The following DDX21 variants were observed in gnomAD, a reference collection of about 807,000 sequenced individuals.
DDX21 encodes the protein DExD-box helicase 21, also known as nucleolar RNA helicase 2.
Under a neutral mutation model 90.0 loss-of-function variants are expected in DDX21, and 18 were observed. The ratio of observed to expected loss-of-function variants is 0.20; its 90% CI spans 0.14 to 0.30. The LOEUF is 0.30. Ranked by LOEUF, DDX21 falls within the 10% of genes least tolerant of loss-of-function variation. The pLI is 1.00. For synonymous variants in DDX21, 294 were observed against 318.0 expected (o/e 0.92, Z 0.80); for missense variants, 673 against 944.5 (o/e 0.71, Z 3.77).
At chr10:68,969,311 C>T (rs918802630) in intron 7 of DDX21, among the ~76,000 whole-genome samples, 190 bp downstream of exon 7, 9 of 152,200 alleles carry the variant, frequency 5.9e-5, no homozygotes, top group African/African-American at 1.9e-4. Flanking sequence ...GATGGAGTCT[C>T]GCTCTGTCAC....
At chr10:68,970,486 T>C (rs1002076266) in intron 8 of DDX21, 136 bp downstream of exon 8, 10 of 102,952 alleles carry the variant, frequency 9.7e-5, no homozygotes, top group African/African-American at 4.2e-4. Context: ...AGGAAGCTAC[T>C]TTTTTTTTTT....
rs1843235139 is a variant in DDX21, at chr10:68,984,163, A to G, written c.*1351A>G. 1 of 152,224 alleles carries G rather than the reference A, an allele frequency of 6.6e-6. No individual in the cohort carries two copies. Among genetic ancestry groups the G allele is most frequent in the Admixed American group, 6.5e-5 (1 of 15,288 alleles). 9.4% of individuals were successfully genotyped at this position (152,224 alleles called of 1,614,324 possible). A position where few individuals can be genotyped will look rare whatever the true frequency, so the allele number is the denominator to read the frequency against. On this transcript the variant is annotated 3_prime_UTR_variant, in exon 15 of 15. Coordinates refer to ENST00000354185, the MANE Select transcript of DDX21 (RefSeq NM_004728.4). The stretch of plus-strand genomic sequence containing the variant: ...CTTAATTTCCAGAGATTATTTCTGT[A>G]CTGAGAATCCTGGAACTACTATGCT...
In DDX21 at chr10:68,974,010, C is replaced by T. The variant is rs531082743; in HGVS notation, c.1668+346C>T. ...GGGGAGAAGAGACTAATTTTTCCTC[C>T]AGGAGAATTGGAATAGTGTATGTAG... On this transcript the variant is annotated intron_variant, in intron 10 of 14. Coordinates refer to ENST00000354185, the MANE Select transcript of DDX21 (RefSeq NM_004728.4). 9.9e-5 allele frequency among the ~76,000 whole-genome samples: 15 copies of T among 152,232 alleles called. No homozygotes were observed. The South Asian group carries it at 3.1e-3, about 32-fold the overall frequency.
rs1175910882 is a variant in DDX21, at chr10:68,984,099, A to G, written c.*1287A>G. On this transcript the variant is annotated 3_prime_UTR_variant, in exon 15 of 15. Coordinates refer to ENST00000354185, the MANE Select transcript of DDX21 (RefSeq NM_004728.4). ...ATATTATTTCTCTGGGAAACATTCTACATAGCACAGGAGCTTAAGAGTGGC... is the reference window on the plus strand; with the variant it reads ...ATATTATTTCTCTGGGAAACATTCTGCATAGCACAGGAGCTTAAGAGTGGC... The G allele has an allele frequency of 6.6e-6, 1 of 152,254 alleles. No individual in the cohort carries two copies. The highest frequency in any genetic ancestry group is 1.5e-5 in the Non-Finnish European group (1 of 68,048). The allele number at this position is 152,254 out of a possible 1,614,324, so 9.4% of individuals were successfully genotyped here. A position where few individuals can be genotyped will look rare whatever the true frequency, so the allele number is the denominator to read the frequency against.
chr10:68,971,864 T>C, intron 8 of DDX21, 27 bp from the exon 9 acceptor site: 1 of 1,605,746 alleles, frequency 6.2e-7, no homozygotes, highest in East Asian at 2.2e-5. Flanking sequence ...GGAACTGGTG[T>C]TCTTACATCC....
At position 68,968,963 on chromosome 10, in the gene DDX21, C is replaced by T; in HGVS notation, c.1091-13C>T. On this transcript the variant is annotated splice_polypyrimidine_tract_variant and intron_variant, in intron 6 of 14. Coordinates refer to ENST00000354185, the MANE Select transcript of DDX21 (RefSeq NM_004728.4). ...ATTATTCATACTGACTTTTTTTTTC[C>T]CCCTCCTCAAAGATTCTGAAGACAA... 6.3e-7 allele frequency: 1 copy of T among 1,599,218 alleles called. No homozygotes were observed. The highest frequency in any genetic ancestry group is 1.8e-5 in the Admixed American group (1 of 55,708).
chr10:68,965,540 T>A (rs1321711633), intron 5 of DDX21, 46 bp downstream of exon 5: 4 of 1,355,118 alleles, frequency 3.0e-6, no homozygotes, highest in Non-Finnish European at 4.2e-6. Context: ...CACCCATTGT[T>A]GACTGCTCTG....
chr10:68,971,511 G>T (rs1843028054), intron 8 of DDX21, among the ~76,000 whole-genome samples: 1 of 152,068 alleles, frequency 6.6e-6, no homozygotes, highest in Non-Finnish European at 1.5e-5. Flanking sequence ...CTCCCAAAGT[G>T]CATGAGCTAC....
intron 9 of DDX21, among the ~76,000 whole-genome samples, chr10:68,972,966 C>T (rs1020112665): frequency 6.6e-6 from 1 of 152,130 alleles, no homozygotes; most frequent in African/African-American, 2.4e-5. Context: ...AAACGAATCA[C>T]TTAAGGTCAG....
chr10:68,979,443 G>C (rs1843154555), intron 13 of DDX21, among the ~76,000 whole-genome samples: 1 of 152,092 alleles, frequency 6.6e-6, no homozygotes, highest in African/African-American at 2.4e-5. Context: ...AAATGTTAGG[G>C]ACCCCCAAAA....
chr10:68,977,730 G>A, intron 12 of DDX21, 42 bp downstream of exon 12: 1 of 1,563,576 alleles, frequency 6.4e-7, no homozygotes, highest in South Asian at 1.2e-5. Flanking sequence ...ATAATTTGGG[G>A]TATGAGCAGG....
chr10:68,961,403 T>A (rs1401283176), intron 2 of DDX21, among the ~76,000 whole-genome samples: 1 of 152,234 alleles, frequency 6.6e-6, no homozygotes, highest in Non-Finnish European at 1.5e-5. Flanking sequence ...TTAGTAAATA[T>A]TAATACCTGT....
At chr10:68,959,486 C>G (rs190091235) in intron 1 of DDX21, among the ~76,000 whole-genome samples, 89 of 152,250 alleles carry the variant, frequency 5.8e-4, no homozygotes, top group Admixed American at 1.4e-3. Context: ...GAGCGAGACT[C>G]TGTCTCAAAA....
chr10:68,959,795 A>G lies in DDX21; in HGVS notation c.88-11A>G, dbSNP rs187776549. On this transcript the variant is annotated splice_polypyrimidine_tract_variant and intron_variant, in intron 1 of 14. Coordinates refer to ENST00000354185, the MANE Select transcript of DDX21 (RefSeq NM_004728.4). Reference sequence around the variant, plus strand: ...TTCAGTGTTTGTATTTTCCTTATGAATTTTTTTTAGAAAGAGAAAAAAGAG... The same window carrying G: ...TTCAGTGTTTGTATTTTCCTTATGAGTTTTTTTTAGAAAGAGAAAAAAGAG... The G allele has an allele frequency of 6.4e-5, 97 of 1,518,736 alleles. No individual in the cohort carries two copies. In the Admixed American group the frequency reaches 2.3e-3, roughly 36 times the overall value. 94.1% of individuals were successfully genotyped at this position (1,518,736 alleles called of 1,614,324 possible).
At chr10:68,963,698 A>G (rs1317826848) in intron 4 of DDX21, among the ~76,000 whole-genome samples, 1 of 152,070 alleles carries the variant, frequency 6.6e-6, no homozygotes, top group Non-Finnish European at 1.5e-5. Flanking sequence ...AGTTTTGATC[A>G]TCTATATAAT....
intron 1 of DDX21, 130 bp downstream of exon 1, chr10:68,956,442 G>C: frequency 1.3e-6 from 2 of 1,494,116 alleles, no homozygotes; most frequent in Non-Finnish European, 1.8e-6. Context: ...CCGGGCGTGG[G>C]TCTTGGCGGG....
At chr10:68,972,094 T>G in intron 9 of DDX21, 42 bp downstream of exon 9, 1 of 1,580,330 alleles carries the variant, frequency 6.3e-7, no homozygotes, top group Non-Finnish European at 8.6e-7. Context: ...TTTGTTTTTT[T>G]TGGGTATTAA....
At chr10:68,980,818 G>A (rs1345199440) in intron 13 of DDX21, among the ~76,000 whole-genome samples, 2 of 125,582 alleles carry the variant, frequency 1.6e-5, no homozygotes, top group Non-Finnish European at 3.2e-5. Context: ...AATGTAGTGA[G>A]ACCCTGTCTC....
chr10:68,973,051 C>T (rs1241115784), intron 9 of DDX21, among the ~76,000 whole-genome samples: 1 of 151,988 alleles, frequency 6.6e-6, no homozygotes, highest in East Asian at 1.9e-4. Flanking sequence ...AAAAATTAGC[C>T]AGGCCTGGTG....
Sources: allele counts gnomAD v4.1 joint callset (sites outside exome capture counted in the v4.1 genomes callset), GRCh38; gene constraint gnomAD v4.1.1; transcripts MANE v1.5; gene names NCBI Gene and HGNC (gene_info 2026-07-23, HGNC 2026-07-21).